PHF21A: variants seen among roughly 807,000 people sequenced by gnomAD.
PHF21A encodes PHD finger protein 21A, also known as BHC80a.
A neutral mutation model predicts 82.5 loss-of-function variants in PHF21A; 11 were observed. That is an observed-to-expected ratio of 0.13 (90% CI 0.08 to 0.22). The LOEUF is 0.22. Among genes scored for constraint, PHF21A ranks in the 10% least tolerant of loss-of-function variants. The pLI, the probability that PHF21A is intolerant of heterozygous loss-of-function variation, is 1.00. For missense variants in PHF21A, 579 were observed against 837.8 expected, an observed-to-expected ratio of 0.69 and a Z score of 3.81; for synonymous variants, 297 against 302.8, an observed-to-expected ratio of 0.98 and a Z score of 0.20.
In PHF21A at chr11:46,008,265, AG is replaced by A. The variant is rs1441276055; in HGVS notation, c.154-28300del. Reference sequence around the variant, plus strand: ...TCAATAAAATCTCAAAACATTTGTGAGGTCTTCAATTGAAATTTTCCTGTGT... The same window carrying A: ...TCAATAAAATCTCAAAACATTTGTGAGTCTTCAATTGAAATTTTCCTGTGT... On this transcript the variant is annotated intron_variant, in intron 6 of 18. Coordinates refer to ENST00000676320, the MANE Select transcript of PHF21A (RefSeq NM_001352027.3). 2.0e-5 allele frequency among the ~76,000 whole-genome samples: 3 copies of A among 152,354 alleles called. No homozygotes were observed. The East Asian group carries it at 5.8e-4, about 29-fold the overall frequency.
chr11:46,079,890 AGAAAG>A (rs1047197482), intron 4 of PHF21A, among the ~76,000 whole-genome samples: 1 of 152,072 alleles, frequency 6.6e-6, no homozygotes. Context: ...GGAAAGGAAA[AGAAAG>A]GAAAGGAAAG....
At chr11:46,034,622 G>C (rs2095949897) in intron 6 of PHF21A, among the ~76,000 whole-genome samples, 1 of 152,128 alleles carries the variant, frequency 6.6e-6, no homozygotes, top group African/African-American at 2.4e-5. Flanking sequence ...AAATTACGGT[G>C]ACTATCCAGC....
rs761402299 is a variant in PHF21A, at chr11:45,979,866, T to G, written c.254A>C (p.Gln85Pro). The part of the protein sequence containing the change: ...QPLPQSENKL[Q>P]TAQQQPLQQL... ...CTGTAGTGGTTGCTGCTGTGCTGTTTGTAGTTTGTTTTCAGATTGTGGCAA... is the reference window on the plus strand; with the variant it reads ...CTGTAGTGGTTGCTGCTGTGCTGTTGGTAGTTTGTTTTCAGATTGTGGCAA... The change falls in exon 7 of 19, where the codon CAA becomes CCA. Residue 85 changes from glutamine (Q) to proline (P), a missense_variant. Gln to Pro is a moderately conservative substitution (Grantham distance 76, BLOSUM62 -1). This residue lies in a region of PHF21A where 410 missense variants were observed against 642.1 expected (regional missense o/e 0.64). Transcript: ENST00000676320. 2 of 1,614,188 alleles carry G rather than the reference T, an allele frequency of 1.2e-6. No homozygotes were observed. The highest frequency in any genetic ancestry group is 2.2e-5 in the East Asian group (1 of 44,886).
intron 6 of PHF21A, among the ~76,000 whole-genome samples, chr11:46,073,259 C>T (rs1418340788): frequency 6.6e-6 from 1 of 150,664 alleles, no homozygotes; most frequent in African/African-American, 2.4e-5. Context: ...ACCCAGGAGG[C>T]GGAGCTTGCA....
intron 7 of PHF21A, among the ~76,000 whole-genome samples, chr11:45,978,470 A>G (rs1023910600): frequency 1.3e-5 from 2 of 152,238 alleles, no homozygotes; most frequent in Non-Finnish European, 2.9e-5. Flanking sequence ...GTTCTTATAA[A>G]AAATTCATTC....
chr11:45,973,379 T>C (rs537601836), intron 7 of PHF21A, among the ~76,000 whole-genome samples: 1 of 152,372 alleles, frequency 6.6e-6, no homozygotes, highest in East Asian at 1.9e-4. Context: ...TTAGGGGTAT[T>C]AAGTTGTTTG....
chr11:45,965,369 G>T lies in PHF21A; in HGVS notation c.942C>A (p.Thr314=). The T allele has an allele frequency of 6.2e-7, 1 of 1,614,070 alleles. No homozygotes were observed. ...LTSIVIATPG[T]RLAGPQTVQL... ...GTACAGTTTGAGGTCCAGCGAGTCT[G>T]GTCCCTGGAGTAGCTATCACAATGC... Residue 314 remains threonine (T), a synonymous_variant, in exon 10 of 19, where the codon ACC becomes ACA. Transcript: ENST00000676320.
At chr11:45,975,655 A>G (rs1171796237) in intron 7 of PHF21A, among the ~76,000 whole-genome samples, 5 of 152,174 alleles carry the variant, frequency 3.3e-5, no homozygotes, top group African/African-American at 9.7e-5. Context: ...TAGGTTGGAG[A>G]GTATACCTGT....
At chr11:46,099,187 A>G (rs903484588) in intron 1 of PHF21A, among the ~76,000 whole-genome samples, 1 of 152,210 alleles carries the variant, frequency 6.6e-6, no homozygotes, top group African/African-American at 2.4e-5. Context: ...ATTTTAAAAA[A>G]TTAAAGCACA....
At chr11:45,957,751 C>CAAAAAAAAAAAAATAAAAG (rs2092750248) in intron 10 of PHF21A, among the ~76,000 whole-genome samples, 1 of 60,894 alleles carries the variant, frequency 1.6e-5, no homozygotes, top group African/African-American at 6.0e-5. Context: ...AAATTCAAAG[C>CAAAAAAAAAAAAATAAAAG]AAAAAAAAAA....
chr11:45,992,567 A>T (rs929374953), intron 6 of PHF21A, among the ~76,000 whole-genome samples: 6 of 152,206 alleles, frequency 3.9e-5, no homozygotes, highest in African/African-American at 1.4e-4. Context: ...ATTTTTTGAC[A>T]TCACAAGGTG....
chr11:46,037,134 G>A (rs2096022016), intron 6 of PHF21A, among the ~76,000 whole-genome samples: 1 of 151,974 alleles, frequency 6.6e-6, no homozygotes, highest in Admixed American at 6.6e-5. Context: ...TCATTTTTTG[G>A]TTTTGTTTAT....
intron 6 of PHF21A, among the ~76,000 whole-genome samples, chr11:46,003,947 T>C (rs183281727): frequency 6.6e-6 from 1 of 152,322 alleles, no homozygotes; most frequent in East Asian, 1.9e-4. Context: ...AAATACATCT[T>C]TATGAAAATA....
intron 4 of PHF21A, among the ~76,000 whole-genome samples, chr11:46,083,809 T>C (rs1281739979): frequency 6.6e-6 from 1 of 152,214 alleles, no homozygotes; most frequent in Non-Finnish European, 1.5e-5. Context: ...TTAGTACATA[T>C]GGTAGTTGAG....
chr11:46,076,094 A>G (rs2096721638), intron 6 of PHF21A, among the ~76,000 whole-genome samples: 1 of 152,262 alleles, frequency 6.6e-6, no homozygotes, highest in South Asian at 2.1e-4. Flanking sequence ...AGCTCTATCA[A>G]TTGCCACACT....
intron 6 of PHF21A, among the ~76,000 whole-genome samples, chr11:46,068,193 A>G (rs189522149): frequency 6.6e-6 from 1 of 152,302 alleles, no homozygotes; most frequent in Admixed American, 6.5e-5. Context: ...TGGAAGTAAC[A>G]CTGCCAAGAT....
intron 10 of PHF21A, among the ~76,000 whole-genome samples, chr11:45,955,521 T>C (rs1279622767): frequency 6.6e-6 from 1 of 152,014 alleles, no homozygotes; most frequent in Non-Finnish European, 1.5e-5. Flanking sequence ...TCTCTTGGAG[T>C]CTCTTACTTC....
chr11:45,935,111 CA>C (rs1336756185), intron 18 of PHF21A: 1 of 1,289,120 alleles, frequency 7.8e-7, no homozygotes, highest in South Asian at 1.2e-5. Context: ...CCGGGCTGGG[CA>C]GTACTTACTT....
intron 6 of PHF21A, among the ~76,000 whole-genome samples, chr11:46,018,323 G>A (rs1042499443): frequency 6.6e-5 from 10 of 151,552 alleles, no homozygotes; most frequent in Admixed American, 3.9e-4. Context: ...TACCTCCCCA[G>A]AATGCCCAAT....
Sources: gnomAD v4.1 joint callset for allele counts (sites outside exome capture counted in the v4.1 genomes callset) on GRCh38, gnomAD v4.1.1 for gene constraint, gnomAD v4.1.1 regional missense constraint, MANE v1.5 for transcripts, NCBI Gene and HGNC (gene_info 2026-07-23, HGNC 2026-07-21) for gene names.